LRRIQ1: variants seen among roughly 807,000 people sequenced by gnomAD.
LRRIQ1 encodes the protein leucine-rich repeat- and IQ domain-containing protein 1.
Under a neutral mutation model 211.9 loss-of-function variants are expected in LRRIQ1, and 210 were observed. The ratio of observed to expected loss-of-function variants is 0.99; its 90% CI spans 0.89 to 1.11. The LOEUF (loss-of-function observed/expected upper bound fraction) is 1.11. Ranked by LOEUF, LRRIQ1 falls within the 50% of genes most tolerant of loss-of-function variation. The pLI is 0.00. For synonymous variants in LRRIQ1, 699 were observed against 650.1 expected, an observed-to-expected ratio of 1.08 and a Z score of -1.14; for missense variants, 2,136 against 1,939.5, an observed-to-expected ratio of 1.10 and a Z score of -1.90.
the LRRIQ1 span, among the ~76,000 whole-genome samples, chr12:85,272,059 C>T: frequency 2.0e-5 from 3 of 152,076 alleles, no homozygotes; most frequent in African/African-American, 7.2e-5. Flanking sequence ...AGTTGCATGA[C>T]GTACCATAGA....
intron 24 of LRRIQ1, among the ~76,000 whole-genome samples, chr12:85,174,867 A>G (rs1425417295): frequency 6.6e-6 from 1 of 152,124 alleles, no homozygotes; most frequent in African/African-American, 2.4e-5. Flanking sequence ...ATGAATGAAA[A>G]TAAACCAATC....
chr12:85,112,724 G>T (rs1374211520), intron 15 of LRRIQ1, among the ~76,000 whole-genome samples: 2 of 151,936 alleles, frequency 1.3e-5, no homozygotes, highest in Non-Finnish European at 2.9e-5. Context: ...TCATTCAGAT[G>T]CGATTTCAGG....
At chr12:85,203,042 C>T (rs1893377584) in intron 24 of LRRIQ1, among the ~76,000 whole-genome samples, 1 of 152,152 alleles carries the variant, frequency 6.6e-6, no homozygotes, top group African/African-American at 2.4e-5. Flanking sequence ...ACTGTACTCC[C>T]ATAATTCCCA....
At chr12:85,203,924 AC>A (rs1196393159) in intron 24 of LRRIQ1, among the ~76,000 whole-genome samples, 1 of 152,128 alleles carries the variant, frequency 6.6e-6, no homozygotes, top group Non-Finnish European at 1.5e-5. Flanking sequence ...CCAAATGTTA[AC>A]CCCCAAGACA....
intron 10 of LRRIQ1, among the ~76,000 whole-genome samples, chr12:85,072,250 T>G (rs1048195201): frequency 6.6e-6 from 1 of 151,936 alleles, no homozygotes; most frequent in Non-Finnish European, 1.5e-5. Context: ...TTTTGGTGAT[T>G]CTTTTCAGTT....
At chr12:85,081,978 G>T (rs749556786) in intron 11 of LRRIQ1, among the ~76,000 whole-genome samples, 2 of 151,736 alleles carry the variant, frequency 1.3e-5, no homozygotes, top group African/African-American at 4.8e-5. Flanking sequence ...TCGCCTCGGC[G>T]TCCCAAAGTG....
chr12:85,234,034 C>T (rs1895068694), intron 26 of LRRIQ1, among the ~76,000 whole-genome samples: 1 of 151,898 alleles, frequency 6.6e-6, no homozygotes, highest in South Asian at 2.1e-4. Context: ...AGTTCAAGAC[C>T]ACTCTGGGTA....
At chr12:85,234,104 G>A (rs1215910631) in intron 26 of LRRIQ1, among the ~76,000 whole-genome samples, 1 of 152,000 alleles carries the variant, frequency 6.6e-6, no homozygotes, top group African/African-American at 2.4e-5. Flanking sequence ...GAGCATGGGG[G>A]TGCACACCTG....
rs1337755636 is a variant in LRRIQ1, at chr12:85,152,360, T to C, written c.4410T>C (p.His1470=). ...SQTLLLSNQL[H]WPKIPGNLKW... is the part of the protein sequence containing the mutation. ...CACTGCTTCTTTCAAACCAGCTGCA[T>C]TGGCCAAAGGTAACATGTCATGGAA... The change falls in exon 20 of 27, where the codon CAT becomes CAC. Residue 1470 remains histidine (H), a synonymous_variant. Transcript: ENST00000393217. 5 of 1,610,576 alleles carry C rather than the reference T, an allele frequency of 3.1e-6. No individual in the cohort carries two copies. Among genetic ancestry groups the C allele is most frequent in the African/African-American group, 2.7e-5 (2 of 74,786 alleles).
chr12:85,070,579 GT>G (rs1183693657), intron 10 of LRRIQ1, among the ~76,000 whole-genome samples: 1 of 151,700 alleles, frequency 6.6e-6, no homozygotes, highest in Non-Finnish European at 1.5e-5. Flanking sequence ...TTGTTTGTTT[GT>G]TTAGTTTGTT....
chr12:85,267,586 T>C (rs1896450403), downstream of LRRIQ1, among the ~76,000 whole-genome samples: 1 of 152,088 alleles, frequency 6.6e-6, no homozygotes, highest in South Asian at 2.1e-4. Flanking sequence ...CCAAAGCTCA[T>C]GTATCAGTGG....
At chr12:85,177,806 A>G (rs570697851) in intron 24 of LRRIQ1, among the ~76,000 whole-genome samples, 1 of 152,278 alleles carries the variant, frequency 6.6e-6, no homozygotes, top group African/African-American at 2.4e-5. Context: ...TAGGAAGGAA[A>G]CAAGAGTAAA....
At chr12:85,151,408 C>A (rs1890232108) in intron 19 of LRRIQ1, among the ~76,000 whole-genome samples, 1 of 151,586 alleles carries the variant, frequency 6.6e-6, no homozygotes, top group Non-Finnish European at 1.5e-5. Context: ...TACATCCCCT[C>A]AGAATAAATT....
chr12:85,105,283 A>C (rs1277355325), intron 14 of LRRIQ1, among the ~76,000 whole-genome samples: 1 of 151,910 alleles, frequency 6.6e-6, no homozygotes, highest in Non-Finnish European at 1.5e-5. Context: ...TGAAAAGATA[A>C]TTTTCTGTGC....
At chr12:85,050,652 T>G (rs1236975727) in intron 6 of LRRIQ1, among the ~76,000 whole-genome samples, 3 of 152,202 alleles carry the variant, frequency 2.0e-5, no homozygotes, top group Non-Finnish European at 4.4e-5. Flanking sequence ...TAGTTCAAGC[T>G]GCCTGAGGGT....
chr12:85,202,394 C>T (rs1393701172), intron 24 of LRRIQ1, among the ~76,000 whole-genome samples: 1 of 152,104 alleles, frequency 6.6e-6, no homozygotes, highest in African/African-American at 2.4e-5. Flanking sequence ...ATTGAAGTCT[C>T]CCACTATTAT....
chr12:85,202,462 A>C (rs920069845), intron 24 of LRRIQ1, among the ~76,000 whole-genome samples: 1 of 152,272 alleles, frequency 6.6e-6, no homozygotes, highest in East Asian at 1.9e-4. Context: ...AATATGGGTT[A>C]TCCTATGTAG....
chr12:85,250,970 T>TATATTATATATA (rs2137301385), intron 1 of LRRIQ1, among the ~76,000 whole-genome samples: 2 of 108,028 alleles, frequency 1.9e-5, no homozygotes, highest in East Asian at 2.4e-4. Flanking sequence ...TATTATATTA[T>TATATTATATATA]ATATATTATA....
downstream of LRRIQ1, chr12:85,245,205 AG>A: frequency 2.9e-6 from 1 of 341,174 alleles, no homozygotes; most frequent in Non-Finnish European, 4.9e-6. Context: ...TAATTCTAAA[AG>A]AATTTTTTAG....
Sources: gnomAD v4.1 joint callset for allele counts (sites outside exome capture counted in the v4.1 genomes callset) on GRCh38, gnomAD v4.1.1 for gene constraint, MANE v1.5 for transcripts, NCBI Gene and HGNC (gene_info 2026-07-23, HGNC 2026-07-21) for gene names.